The following MAPRE1 variants were observed in gnomAD, a reference collection of about 807,000 sequenced individuals.
MAPRE1 encodes the protein microtubule associated protein RP/EB family member 1, also known as microtubule-associated protein RP/EB family member 1.
A neutral mutation model predicts 32.1 loss-of-function variants in MAPRE1; 5 were observed. The observed-to-expected ratio is 0.16, with a 90% CI of 0.08 to 0.33. The LOEUF is 0.33. Among genes scored for constraint, MAPRE1 ranks in the 10% least tolerant of loss-of-function variants. MAPRE1 has a pLI of 1.00. For synonymous variants in MAPRE1, 122 were observed against 118.9 expected (o/e 1.03, Z -0.17); for missense variants, 209 against 327.2 (o/e 0.64, Z 2.79).
intron 2 of MAPRE1, among the ~76,000 whole-genome samples, chr20:32,832,223 T>G (rs111262451): frequency 0.01 from 1,547 of 152,346 alleles, 25 homozygotes; most frequent in African/African-American, 0.035. Flanking sequence ...TGCAGATTAC[T>G]TATTACTTAA....
At chr20:32,835,705 A>G (rs921168838) in intron 3 of MAPRE1, among the ~76,000 whole-genome samples, 2 of 151,594 alleles carry the variant, frequency 1.3e-5, no homozygotes, top group African/African-American at 4.8e-5. Context: ...TCCCGGGTTC[A>G]AGTGATTCTC....
At chr20:32,846,249 A>G (rs912576322) in intron 5 of MAPRE1, among the ~76,000 whole-genome samples, 5 of 152,120 alleles carry the variant, frequency 3.3e-5, no homozygotes, top group African/African-American at 4.8e-5. Context: ...CCCTCATGCA[A>G]TCAGACCTGG....
chr20:32,835,364 G>GTTTTTTTTTTTTTTTTTTTTTTTT (rs71190879), intron 3 of MAPRE1, among the ~76,000 whole-genome samples: 7 of 106,628 alleles, frequency 6.6e-5, no homozygotes, highest in South Asian at 3.2e-4. Flanking sequence ...TTTTATTGGT[G>GTTTTTTTTTTTTTTTTTTTTTTTT]TTTTTTTTTT....
At chr20:32,840,365 CTG>C (rs1479635412) in intron 5 of MAPRE1, among the ~76,000 whole-genome samples, 2 of 152,132 alleles carry the variant, frequency 1.3e-5, no homozygotes, top group Non-Finnish European at 2.9e-5. Flanking sequence ...TCAGAGGTCT[CTG>C]TGGATCAAAA....
chr20:32,826,885 T>A (rs536515274), intron 2 of MAPRE1, among the ~76,000 whole-genome samples: 1 of 152,186 alleles, frequency 6.6e-6, no homozygotes, highest in East Asian at 1.9e-4. Context: ...AGAGACTGCA[T>A]TCTGAGGCCT....
At chr20:32,839,916 C>T in intron 5 of MAPRE1, 60 bp downstream of exon 5, 2 of 1,603,050 alleles carry the variant, frequency 1.2e-6, no homozygotes, top group Non-Finnish European at 1.7e-6. Context: ...TTGCGGTGGC[C>T]AGGGTGCCTT....
At chr20:32,844,985 T>C (rs527327238) in intron 5 of MAPRE1, among the ~76,000 whole-genome samples, 1,912 of 150,432 alleles carry the variant, frequency 0.013, 38 homozygotes, top group African/African-American at 0.042. Context: ...AGGCAGTAGC[T>C]GTACTGTATG....
At chr20:32,848,527 T>C in intron 6 of MAPRE1, 145 bp from the exon 7 acceptor site, 1 of 509,256 alleles carries the variant, frequency 2.0e-6, no homozygotes, top group Non-Finnish European at 3.5e-6. Context: ...GCAATTCTAC[T>C]ACCCAAGAAA....
At chr20:32,829,382 G>C (rs1019889516) in intron 2 of MAPRE1, among the ~76,000 whole-genome samples, 8 of 152,200 alleles carry the variant, frequency 5.3e-5, no homozygotes, top group Admixed American at 5.2e-4. Context: ...GTAGATGGTT[G>C]CATTGTGTTT....
chr20:32,846,511 G>T (rs1276959017), intron 5 of MAPRE1, 107 bp from the exon 6 acceptor site: 3 of 1,032,492 alleles, frequency 2.9e-6, no homozygotes, highest in East Asian at 4.8e-5. Flanking sequence ...TTTTGTCTGT[G>T]TTGGGGTTTG....
At chr20:32,823,733 T>G (rs999988739) in intron 1 of MAPRE1, among the ~76,000 whole-genome samples, 1 of 152,012 alleles carries the variant, frequency 6.6e-6, no homozygotes, top group Non-Finnish European at 1.5e-5. Context: ...TACAAAAAAT[T>G]AAAAAATTAG....
intron 5 of MAPRE1, among the ~76,000 whole-genome samples, chr20:32,841,827 A>G (rs1983372678): frequency 6.6e-6 from 1 of 152,196 alleles, no homozygotes; most frequent in Admixed American, 6.5e-5. Context: ...TGGGGCTGAC[A>G]CTTGCTCACA....
intron 4 of MAPRE1, among the ~76,000 whole-genome samples, chr20:32,837,311 T>C (rs1415531036): frequency 1.3e-5 from 2 of 152,324 alleles, no homozygotes; most frequent in African/African-American, 4.8e-5. Context: ...TGTTATTCTC[T>C]CTGTAGACCA....
intron 5 of MAPRE1, among the ~76,000 whole-genome samples, chr20:32,843,854 T>G (rs1463065612): frequency 2.0e-5 from 3 of 152,020 alleles, no homozygotes; most frequent in Admixed American, 1.3e-4. Flanking sequence ...TACAGGTTTT[T>G]TTTTTTTTTT....
At chr20:32,846,275 C>T (rs190633180) in intron 5 of MAPRE1, among the ~76,000 whole-genome samples, 222 of 152,280 alleles carry the variant, frequency 1.5e-3, no homozygotes, top group Non-Finnish European at 1.6e-3. Context: ...ATTGTCCAGT[C>T]CCTTGGTAAG....
chr20:32,826,837 AGT>A (rs1982867796), intron 2 of MAPRE1, among the ~76,000 whole-genome samples: 1 of 151,950 alleles, frequency 6.6e-6, no homozygotes, highest in Non-Finnish European at 1.5e-5. Flanking sequence ...TTAAATAAAG[AGT>A]GTGCTCTGGC....
chr20:32,822,566 A>G (rs1164927147), intron 1 of MAPRE1, among the ~76,000 whole-genome samples: 1 of 152,206 alleles, frequency 6.6e-6, no homozygotes, highest in Non-Finnish European at 1.5e-5. Flanking sequence ...CTTGTTTGTT[A>G]AATACCTCTT....
rs188023712 is a variant in MAPRE1, at chr20:32,824,059, C to T, written c.-3-1866C>T. On this transcript the variant is annotated intron_variant, in intron 1 of 6. Transcript: ENST00000375571. ...AGCTCAACTGTTCATCTCAGAGAGG[C>T]TTCCTCTGACCACATTCCGTAAACC... 5.5e-3 allele frequency among the ~76,000 whole-genome samples: 835 copies of T among 152,314 alleles called. 9 individuals carry two copies. The highest frequency in any genetic ancestry group is 8.4e-3 in the Non-Finnish European group (573 of 68,032).
intron 3 of MAPRE1, among the ~76,000 whole-genome samples, chr20:32,835,610 C>CT (rs1287622370): frequency 1.3e-5 from 2 of 151,408 alleles, no homozygotes; most frequent in East Asian, 3.9e-4. Flanking sequence ...CTTTTCTTTT[C>CT]TTTCTTTTTT....
Sources: allele counts gnomAD v4.1 joint callset (sites outside exome capture counted in the v4.1 genomes callset), GRCh38; gene constraint gnomAD v4.1.1; transcripts MANE v1.5; gene names NCBI Gene and HGNC (gene_info 2026-07-23, HGNC 2026-07-21).